Variants in MUC4 observed in about 807,000 individuals in gnomAD.
MUC4 encodes the protein mucin 4, cell surface associated.
In MUC4, 202 loss-of-function variants were observed where a neutral mutation model predicts 257.9. The observed-to-expected ratio is 0.78, with a 90% CI of 0.70 to 0.88. The LOEUF (loss-of-function observed/expected upper bound fraction) is 0.88. Ranked by LOEUF, MUC4 falls within the 40% of genes least tolerant of loss-of-function variation. The pLI is 0.00. For missense variants in MUC4, 5,976 were observed against 6,513.7 expected, an observed-to-expected ratio of 0.92 and a Z score of 2.84; for synonymous variants, 2,351 against 2,757.1, an observed-to-expected ratio of 0.85 and a Z score of 4.62.
At position 195,779,393 on chromosome 3, in the gene MUC4, T is replaced by G; in HGVS notation, c.12187A>C (p.Thr4063Pro). 3 of 1,229,548 alleles carry G rather than the reference T, an allele frequency of 2.4e-6. 1 individual carries two copies. Among genetic ancestry groups the G allele is most frequent in the African/African-American group, 4.1e-5 (2 of 48,466 alleles). 76.2% of individuals were successfully genotyped at this position (1,229,548 alleles called of 1,614,324 possible). Residue 4063 changes from threonine to proline, a missense_variant, in exon 2 of 25, where the codon ACC becomes CCC. Around this residue, in one of 44 missense-constraint regions of MUC4, gnomAD observed 293 missense variants for 294.5 expected, o/e 1.00. Transcript: ENST00000463781. ...GAAGGGCTGGTGACATGAAGAGGGG[T>G]GGCGTGACCTGTGGATAATGAGGAA... ...NASSLSTGHA[T>P]PLHVTSPSSA...
Position 195,790,066 on chromosome 3 carries a change from A to C in MUC4, c.1514T>G (p.Leu505Arg), listed in dbSNP as rs1733667544. The C allele has an allele frequency of 6.2e-7, 1 of 1,614,048 alleles. No homozygotes were observed. Among genetic ancestry groups the C allele is most frequent in the African/African-American group, 1.3e-5 (1 of 75,068 alleles). The change falls in exon 2 of 25, where the codon CTG becomes CGG. Residue 505 changes from leucine (L) to arginine (R), a missense_variant. By Grantham distance (102) the Leu-to-Arg change is moderately radical. Transcript: ENST00000463781. ...KGHTTWSQTE[L>R]PSTSTGAATR... ...GGCAGCACCTGTTGATGTTGAGGGC[A>C]GTTCTGTTTGTGACCAAGTTGTGTG... is the stretch of plus-strand genomic sequence containing the variant.
chr3:195,747,243 A>C lies in MUC4; in HGVS notation c.16172T>G (p.Leu5391Arg). The change falls in exon 25 of 25, where the codon CTG becomes CGG. Residue 5391 changes from leucine to arginine, a missense_variant. Transcript: ENST00000463781. ...GGCCCCGGAGCAACCCCAGAAGCGC[A>C]GGACCACGAACGTCCCGACCCCCAG... ...LLLGVGTFVV[L>R]RFWGCSGARF... The C allele has an allele frequency of 6.2e-7, 1 of 1,614,270 alleles. No homozygotes were observed. The highest frequency in any genetic ancestry group is 1.1e-5 in the South Asian group (1 of 91,086).
chr3:195,788,758 G>A lies in MUC4; in HGVS notation c.2822C>T (p.Ser941Leu), dbSNP rs752342140. 11 of 1,613,628 alleles carry A rather than the reference G, an allele frequency of 6.8e-6. No individual in the cohort carries two copies. Among genetic ancestry groups the A allele is most frequent in the Middle Eastern group, 3.3e-4 (2 of 6,084 alleles). The change falls in exon 2 of 25, where the codon TCG becomes TTG. Residue 941 changes from serine to leucine, a missense_variant. By Grantham distance (145) the Ser-to-Leu change is moderately radical. Around this residue, in one of 44 missense-constraint regions of MUC4, gnomAD observed 1,583 missense variants for 1,257.4 expected, o/e 1.26. Transcript: ENST00000463781. ...TFSTVPPTPP[S>L]ITSTGLTSPQ... is the part of the protein sequence containing the mutation. The stretch of plus-strand genomic sequence containing the variant: ...AGATGTAAGCCCAGTGGATGTGATC[G>A]ATGGAGGTGTGGGTGGGACTGTTGA...
rs1353253386 is a variant in MUC4, at chr3:195,751,187, G to C, written c.15647+20C>G. 1.6e-5 allele frequency: 26 copies of C among 1,579,954 alleles called. No individual in the cohort carries two copies. Among genetic ancestry groups the C allele is most frequent in the Non-Finnish European group, 2.2e-5 (26 of 1,162,388 alleles). ...ATGAGGAAGAGATCTGGGGGCTTAG[G>C]GGGACACAGTCCCACTTACATTCGT... On this transcript the variant is annotated intron_variant, in intron 22 of 24. Transcript: ENST00000463781.
At position 195,779,201 on chromosome 3, in the gene MUC4, T is replaced by G. The variant is rs752829238; in HGVS notation, c.12379A>C (p.Thr4127Pro). Residue 4127 changes from threonine (T) to proline (P), a missense_variant, in exon 2 of 25, where the codon ACC becomes CCC. Thr to Pro is a conservative substitution (Grantham distance 38). Coordinates refer to ENST00000463781, the MANE Select transcript of MUC4 (RefSeq NM_018406.7). ...DTSSASTGQA[T>P]PLPVTSLSSV... ...GAAAGGCTGGTGACAGGAAGAGGGGTGGCCTGACCTGTGGATGCAGAGGAA... is the reference window on the plus strand; with the variant it reads ...GAAAGGCTGGTGACAGGAAGAGGGGGGGCCTGACCTGTGGATGCAGAGGAA... 3.7e-6 allele frequency: 5 copies of G among 1,346,494 alleles called. No individual in the cohort carries two copies. In the South Asian group the frequency reaches 6.4e-5, roughly 17 times the overall value. 83.4% of individuals were successfully genotyped at this position (1,346,494 alleles called of 1,614,324 possible).
intron 3 of MUC4, among the ~76,000 whole-genome samples, chr3:195,776,369 GCCA>G (rs1724723159): frequency 1.3e-4 from 3 of 22,234 alleles, no homozygotes; most frequent in Non-Finnish European, 2.0e-4. Flanking sequence ...ACCTTCCACA[GCCA>G]TACCTTCCAC....
In MUC4 at chr3:195,782,589, GTCGGTGACAGGAAGAAGGGTGGCGTGAC is replaced by G. The variant is rs1728754707; in HGVS notation, c.8963_8990del (p.Gly2988AlafsTer7). 1.1e-6 allele frequency: 1 copy of G among 908,070 alleles called. No individual in the cohort carries two copies. Among genetic ancestry groups the G allele is most frequent in the African/African-American group, 1.9e-5 (1 of 52,996 alleles). 56.3% of individuals were successfully genotyped at this position (908,070 alleles called of 1,614,324 possible). On this transcript the variant is annotated frameshift_variant, in exon 2 of 25. Coordinates refer to ENST00000463781, the MANE Select transcript of MUC4 (RefSeq NM_018406.7). LOFTEE classifies it high-confidence loss of function. Reference sequence around the variant, plus strand: ...CGTGACCTATGGATGCTGAGGAAGTGTCGGTGACAGGAAGAAGGGTGGCGTGACCTGTGGATGCTGAGGAAGTGTCGGT... The same window carrying G: ...CGTGACCTATGGATGCTGAGGAAGTGCTGTGGATGCTGAGGAAGTGTCGGT...
intron 19 of MUC4, chr3:195,753,679 T>C (rs559254965): frequency 2.3e-4 from 50 of 213,584 alleles, no homozygotes; most frequent in Non-Finnish European, 3.8e-4. Flanking sequence ...ATCTCCCTCA[T>C]CAGACTCTGG....
chr3:195,767,325 G>T (rs541807424), intron 7 of MUC4, among the ~76,000 whole-genome samples: 9 of 151,344 alleles, frequency 5.9e-5, no homozygotes, highest in African/African-American at 2.2e-4. Flanking sequence ...TCAGAACTGA[G>T]TGAGGCCTTG....
chr3:195,794,078 T>TA (rs1404022134), intron 1 of MUC4, among the ~76,000 whole-genome samples: 2 of 124,228 alleles, frequency 1.6e-5, no homozygotes, highest in African/African-American at 6.4e-5. Context: ...CCCTGTGTCT[T>TA]AAAAAATAAA....
chr3:195,783,202 G>A lies in MUC4; in HGVS notation c.8378C>T (p.Ala2793Val), dbSNP rs867876786. ...TPLHVTSPSSASTGHTTPLPV... is the reference protein window; with the variant it reads ...TPLHVTSPSSVSTGHTTPLPV... ...AAGAGGGGTGGTGTGACCTGTGGAT[G>A]CTGAGGAAGGGCTGGTGACATGAAG... Residue 2793 changes from alanine (A) to valine (V), a missense_variant, in exon 2 of 25, where the codon GCA (alanine) becomes GTA (valine). Coordinates refer to ENST00000463781, the MANE Select transcript of MUC4 (RefSeq NM_018406.7). 1.3e-3 allele frequency: 1,720 copies of A among 1,330,888 alleles called. 91 individuals are homozygous for A. Among genetic ancestry groups the A allele is most frequent in the African/African-American group, 9.7e-3 (598 of 61,852 alleles). The allele number at this position is 1,330,888 out of a possible 1,614,324, so 82.4% of individuals were successfully genotyped here.
intron 14 of MUC4, 143 bp from the exon 15 acceptor site, chr3:195,761,728 G>C (rs1022241376): frequency 1.5e-6 from 1 of 672,460 alleles, no homozygotes; most frequent in Non-Finnish European, 2.5e-6. Flanking sequence ...GGGGAGCCGG[G>C]AGGACGGGCC....
rs1458846140 is a variant in MUC4, at chr3:195,789,882, T to C, written c.1698A>G (p.Gln566=). The change falls in exon 2 of 25, where the codon CAA becomes CAG. Residue 566 remains glutamine, a synonymous_variant. Coordinates refer to ENST00000463781, the MANE Select transcript of MUC4 (RefSeq NM_018406.7). Reference sequence around the variant, plus strand: ...CAGTGGTCCCCGTTTCTTGTGTCCATTGTGTCTGGGCGCCTGCCCCTGTTG... The same window carrying C: ...CAGTGGTCCCCGTTTCTTGTGTCCACTGTGTCTGGGCGCCTGCCCCTGTTG... The part of the protein sequence containing the change: ...PKTTGAGAQT[Q]WTQETGTTGE... 6.2e-7 allele frequency: 1 copy of C among 1,613,690 alleles called. No individual in the cohort carries two copies. The highest frequency in any genetic ancestry group is 1.7e-5 in the Admixed American group (1 of 59,988).
rs879361284 is a variant in MUC4 at position 195,781,728 on chromosome 3, G to A, written c.9852C>T (p.Thr3284=). The A allele has an allele frequency of 9.7e-5, 143 of 1,475,320 alleles. 11 individuals carry two copies. The highest frequency in any genetic ancestry group is 1.4e-4 in the South Asian group (11 of 78,856). 91.4% of individuals were successfully genotyped at this position (1,475,320 alleles called of 1,614,324 possible). A position where few individuals can be genotyped will look rare whatever the true frequency, so the allele number is the denominator to read the frequency against. ...YTGDTTSLPV[T]DTSSSSTGDT... is the part of the protein sequence containing the mutation. ...CACCTGTGGATGATGAGGAAGTGTC[G>A]GTGACAGGAAGAGAGGTGGTGTCAC... The change falls in exon 2 of 25, where the codon ACC becomes ACT. Residue 3284 remains threonine (T), a synonymous_variant. Transcript: ENST00000463781.
intron 7 of MUC4, among the ~76,000 whole-genome samples, chr3:195,767,804 A>G (rs867284402): frequency 2.4e-5 from 3 of 124,272 alleles, no homozygotes; most frequent in African/African-American, 7.7e-5. Flanking sequence ...CACCACCATC[A>G]TCACCACCAT....
In MUC4 at chr3:195,747,220, C is replaced by T. The variant is rs772843001; in HGVS notation, c.16195G>A (p.Ala5399Thr). The T allele has an allele frequency of 4.3e-6, 7 of 1,614,268 alleles. No homozygotes were observed. In the East Asian group the frequency reaches 1.1e-4, roughly 26 times the overall value. The change falls in exon 25 of 25, where the codon GCC becomes ACC. Residue 5399 changes from alanine to threonine, a missense_variant. Around this residue, in one of 44 missense-constraint regions of MUC4, gnomAD observed 310 missense variants for 242.1 expected, o/e 1.28. Coordinates refer to ENST00000463781, the MANE Select transcript of MUC4 (RefSeq NM_018406.7). ...VVLRFWGCSG[A>T]RFSYFLNSAE... is the part of the protein sequence containing the mutation. ...GAGTTCAGGAAATAGGAGAACCTGGCCCCGGAGCAACCCCAGAAGCGCAGG... is the reference window on the plus strand; with the variant it reads ...GAGTTCAGGAAATAGGAGAACCTGGTCCCGGAGCAACCCCAGAAGCGCAGG...
intron 7 of MUC4, among the ~76,000 whole-genome samples, chr3:195,767,965 CACT>C (rs1225567312): frequency 2.0e-5 from 3 of 151,298 alleles, no homozygotes; most frequent in Non-Finnish European, 3.0e-5. Context: ...CCACCACCAC[CACT>C]ATCGCCATCA....
At chr3:195,776,270 C>A in intron 3 of MUC4, among the ~76,000 whole-genome samples, 1 of 104,932 alleles carries the variant, frequency 9.5e-6, no homozygotes, top group Non-Finnish European at 1.9e-5. Flanking sequence ...CACACCCATA[C>A]CTTCCACACC....
At position 195,782,896 on chromosome 3, in the gene MUC4, G is replaced by C; in HGVS notation, c.8684C>G (p.Thr2895Ser). ...GGAAAGGCTGGTGAGAGGAAGAGGGGTAGCGTGACCTGTGGACACTGAGGA... is the reference window on the plus strand; with the variant it reads ...GGAAAGGCTGGTGAGAGGAAGAGGGCTAGCGTGACCTGTGGACACTGAGGA... ...DASSVSTGHA[T>S]PLPLTSLSSV... is the part of the protein sequence containing the mutation. The change falls in exon 2 of 25, where the codon ACC becomes AGC. Residue 2895 changes from threonine to serine, a missense_variant. Thr to Ser is a moderately conservative substitution (Grantham distance 58). Around this residue, in one of 44 missense-constraint regions of MUC4, gnomAD observed 228 missense variants for 206.3 expected, o/e 1.11. Transcript: ENST00000463781. The C allele has an allele frequency of 6.6e-7, 1 of 1,521,126 alleles. No homozygotes were observed. The highest frequency in any genetic ancestry group is 2.5e-5 in the East Asian group (1 of 40,720). The allele number at this position is 1,521,126 out of a possible 1,614,324, so 94.2% of individuals were successfully genotyped here. A position where few individuals can be genotyped will look rare whatever the true frequency, so the allele number is the denominator to read the frequency against.
Sources: allele counts gnomAD v4.1 joint callset (sites outside exome capture counted in the v4.1 genomes callset), GRCh38; gene constraint gnomAD v4.1.1; regional missense constraint gnomAD v4.1.1; transcripts MANE v1.5; gene names NCBI Gene and HGNC (gene_info 2026-07-23, HGNC 2026-07-21).